Variants in CORO1C observed in about 807,000 individuals in gnomAD.
CORO1C encodes coronin-1C.
In CORO1C, 14 loss-of-function variants were observed where a neutral mutation model predicts 51.2. That is an observed-to-expected ratio of 0.27 (90% CI 0.18 to 0.43). The LOEUF (loss-of-function observed/expected upper bound fraction) is 0.43, where lower values mean the gene tolerates loss of function less well. CORO1C is among the 20% of genes least tolerant of loss of function. The pLI, the probability that CORO1C is intolerant of heterozygous loss-of-function variation, is 1.00. For missense variants in CORO1C, 417 were observed against 607.8 expected (o/e 0.69, Z 3.30); for synonymous variants, 181 against 210.5 (o/e 0.86, Z 1.21).
intron 6 of CORO1C, among the ~76,000 whole-genome samples, chr12:108,656,278 G>A (rs1475835917): frequency 2.7e-5 from 4 of 149,180 alleles, no homozygotes; most frequent in South Asian, 2.2e-4. Flanking sequence ...CACCCCGTCC[G>A]GGAGGGAGGT....
intron 1 of CORO1C, among the ~76,000 whole-genome samples, chr12:108,719,210 T>C (rs1301523863): frequency 2.6e-5 from 4 of 152,018 alleles, no homozygotes; most frequent in South Asian, 2.1e-4. Context: ...CTTATGAAAG[T>C]AGGACAAATA....
At chr12:108,711,220 C>G (rs913352296) in intron 1 of CORO1C, among the ~76,000 whole-genome samples, 6 of 151,714 alleles carry the variant, frequency 4.0e-5, no homozygotes, top group African/African-American at 1.5e-4. Flanking sequence ...AAAAAATTAG[C>G]TGGGTGTGAT....
chr12:108,662,131 T>C lies in CORO1C; in HGVS notation c.346A>G (p.Thr116Ala). Residue 116 changes from threonine to alanine, a missense_variant, in exon 4 of 11, where the codon ACC (threonine) becomes GCC (alanine). Thr to Ala is a moderately conservative substitution (Grantham distance 58). Coordinates refer to ENST00000261401, the MANE Select transcript of CORO1C (RefSeq NM_014325.4). ...ACCACAGGTTCAGTCAGGGAAAGGG[T>C]GAGTCCATTTTCTGGGATCTGCCAT... is the stretch of plus-strand genomic sequence containing the variant. ...MVWQIPENGL[T>A]LSLTEPVVIL... 6.2e-7 allele frequency: 1 copy of C among 1,613,694 alleles called. No homozygotes were observed. The highest frequency in any genetic ancestry group is 8.5e-7 in the Non-Finnish European group (1 of 1,179,724).
chr12:108,690,363 G>A (rs1040443764), intron 2 of CORO1C, among the ~76,000 whole-genome samples: 10 of 152,312 alleles, frequency 6.6e-5, no homozygotes, highest in African/African-American at 2.4e-4. Context: ...AAAGCTGCTG[G>A]GGAGAGGGAG....
intron 8 of CORO1C, among the ~76,000 whole-genome samples, chr12:108,651,437 T>C (rs1457518203): frequency 6.6e-6 from 1 of 152,184 alleles, no homozygotes; most frequent in Non-Finnish European, 1.5e-5. Flanking sequence ...AAATCAGAAG[T>C]AGTACAGAGA....
intron 3 of CORO1C, among the ~76,000 whole-genome samples, chr12:108,674,569 A>C (rs2033838563): frequency 6.6e-6 from 1 of 152,144 alleles, no homozygotes; most frequent in African/African-American, 2.4e-5. Flanking sequence ...AAAAAAAAAA[A>C]AAACCTTCTG....
chr12:108,661,627 T>A (rs959988518), intron 4 of CORO1C, among the ~76,000 whole-genome samples: 1 of 151,456 alleles, frequency 6.6e-6, no homozygotes, highest in African/African-American at 2.4e-5. Flanking sequence ...AAGGAAGGAG[T>A]GTATTTGCCT....
intron 2 of CORO1C, among the ~76,000 whole-genome samples, chr12:108,687,644 G>A (rs575173314): frequency 9.2e-5 from 14 of 151,766 alleles, no homozygotes; most frequent in Admixed American, 2.0e-4. Context: ...AATTAGCTGC[G>A]CTTGATGGTG....
At chr12:108,659,514 C>T (rs1335544791) in intron 4 of CORO1C, among the ~76,000 whole-genome samples, 2 of 152,122 alleles carry the variant, frequency 1.3e-5, no homozygotes, top group Non-Finnish European at 1.5e-5. Context: ...TGTTTCTTTC[C>T]GAAAGATATT....
chr12:108,663,255 C>T (rs10746128), intron 3 of CORO1C, among the ~76,000 whole-genome samples: 85,288 of 151,938 alleles, frequency 0.56, 24,758 homozygotes, highest in East Asian at 0.99. Flanking sequence ...GGTGGCAGAC[C>T]TTGGAAAACA....
At chr12:108,657,942 GCA>G (rs1278748072) in intron 5 of CORO1C, among the ~76,000 whole-genome samples, 1 of 152,202 alleles carries the variant, frequency 6.6e-6, no homozygotes, top group Non-Finnish European at 1.5e-5. Context: ...GGCTCAGTAA[GCA>G]CCAGCTACTA....
At chr12:108,659,026 GAGAGAGAGAA>G in intron 4 of CORO1C, 107 bp from the exon 5 acceptor site, 2 of 1,136,960 alleles carry the variant, frequency 1.8e-6, no homozygotes, top group Admixed American at 2.6e-5. Flanking sequence ...TGCAGAGAGA[GAGAGAGAGAA>G]AGAGAGAGAG....
chr12:108,670,598 G>A (rs980869721), intron 3 of CORO1C, among the ~76,000 whole-genome samples: 3 of 152,118 alleles, frequency 2.0e-5, no homozygotes, highest in East Asian at 1.9e-4. Flanking sequence ...ATGTCAGAGA[G>A]GGAGTTCTGT....
intron 2 of CORO1C, among the ~76,000 whole-genome samples, chr12:108,689,279 G>A (rs546034004): frequency 1.3e-4 from 20 of 152,244 alleles, no homozygotes; most frequent in Middle Eastern, 3.4e-3. Context: ...TGTTAAAGTC[G>A]CACAACGCTT....
At chr12:108,713,735 T>C (rs1270728303) in intron 1 of CORO1C, among the ~76,000 whole-genome samples, 1 of 152,188 alleles carries the variant, frequency 6.6e-6, no homozygotes, top group East Asian at 1.9e-4. Context: ...ACGGAGCAGT[T>C]CCAACTTTTC....
intron 2 of CORO1C, among the ~76,000 whole-genome samples, chr12:108,682,212 A>T (rs2034148320): frequency 6.6e-6 from 1 of 152,178 alleles, no homozygotes; most frequent in Non-Finnish European, 1.5e-5. Flanking sequence ...AAAACTAGAA[A>T]GCACAAAGAT....
chr12:108,689,310 T>C (rs2034416823), intron 2 of CORO1C, among the ~76,000 whole-genome samples: 1 of 152,252 alleles, frequency 6.6e-6, no homozygotes, highest in African/African-American at 2.4e-5. Context: ...GCCTACTCTT[T>C]CTCATAACTA....
In CORO1C at chr12:108,698,916, C is replaced by T. The variant is rs1033491561; in HGVS notation, c.195+2208G>A. 4.6e-5 allele frequency among the ~76,000 whole-genome samples: 7 copies of T among 152,210 alleles called. No individual in the cohort carries two copies. In the East Asian group the frequency reaches 5.8e-4, roughly 13 times the overall value. On this transcript the variant is annotated intron_variant, in intron 2 of 10. Transcript: ENST00000261401. ...CACACACTTTAATACACAAAAATCT[C>T]ACATAGTACTCATGAACCTATCGAC...
intron 2 of CORO1C, chr12:108,696,422 C>A (rs190560244): frequency 4.3e-4 from 57 of 133,110 alleles, no homozygotes; most frequent in African/African-American, 1.5e-3. Flanking sequence ...AGGGAGGGGA[C>A]GGGGGGGTTG....
Sources: allele counts gnomAD v4.1 joint callset (sites outside exome capture counted in the v4.1 genomes callset), GRCh38; gene constraint gnomAD v4.1.1; transcripts MANE v1.5; gene names NCBI Gene and HGNC (gene_info 2026-07-23, HGNC 2026-07-21).